EEF2K: variants seen among roughly 807,000 people sequenced by gnomAD.
EEF2K encodes the protein alternative protein EEF2K.
In EEF2K, 70 loss-of-function variants were observed where a neutral mutation model predicts 93.8. That is an observed-to-expected ratio of 0.75 (90% CI 0.62 to 0.91). The LOEUF (loss-of-function observed/expected upper bound fraction) is 0.91, where lower values mean the gene tolerates loss of function less well. Among genes scored for constraint, EEF2K ranks in the 40% least tolerant of loss-of-function variants. EEF2K has a pLI of 0.00. For missense variants in EEF2K, 935 were observed against 972.9 expected (o/e 0.96, Z 0.52); for synonymous variants, 376 against 380.8 (o/e 0.99, Z 0.15).
intron 1 of EEF2K, among the ~76,000 whole-genome samples, chr16:22,210,081 C>T (rs1254098263): frequency 3.9e-5 from 6 of 152,178 alleles, no homozygotes; most frequent in East Asian, 1.9e-4. Flanking sequence ...AGGCATGAGC[C>T]GTGCCCAACC....
intron 1 of EEF2K, among the ~76,000 whole-genome samples, chr16:22,210,360 C>T (rs1265573147): frequency 2.0e-5 from 3 of 152,194 alleles, no homozygotes; most frequent in African/African-American, 7.2e-5. Context: ...CAGCGTTTCT[C>T]TAACTTCAGT....
intron 15 of EEF2K, among the ~76,000 whole-genome samples, chr16:22,267,972 G>C (rs558309617): frequency 6.6e-6 from 1 of 152,210 alleles, no homozygotes; most frequent in South Asian, 2.1e-4. Flanking sequence ...TCCCCATCAC[G>C]TGGGCCAACG....
At chr16:22,267,246 G>A (rs753211619) in intron 15 of EEF2K, among the ~76,000 whole-genome samples, 1 of 152,156 alleles carries the variant, frequency 6.6e-6, no homozygotes, top group Non-Finnish European at 1.5e-5. Context: ...AGTGGCTGGG[G>A]CCTGGCACTG....
At chr16:22,219,895 C>T (rs2142102887) in intron 1 of EEF2K, among the ~76,000 whole-genome samples, 1 of 152,288 alleles carries the variant, frequency 6.6e-6, no homozygotes, top group South Asian at 2.1e-4. Context: ...GCTGCTTGAG[C>T]TCCGGCAATC....
intron 8 of EEF2K, 47 bp from the exon 9 acceptor site, chr16:22,257,596 C>G: frequency 6.3e-7 from 1 of 1,599,960 alleles, no homozygotes. Flanking sequence ...GCCTGTCCCC[C>G]GTCACAGAGC....
At chr16:22,229,688 G>A (rs190720639) in intron 2 of EEF2K, among the ~76,000 whole-genome samples, 16 of 152,222 alleles carry the variant, frequency 1.1e-4, no homozygotes, top group Non-Finnish European at 1.8e-4. Context: ...GTGACAGAGC[G>A]AGACTCCATC....
chr16:22,267,699 GCATGT>G (rs2047538927), intron 15 of EEF2K, among the ~76,000 whole-genome samples: 1 of 152,146 alleles, frequency 6.6e-6, no homozygotes, highest in Non-Finnish European at 1.5e-5. Context: ...AGAAGGAACA[GCATGT>G]GCTTAGGCCC....
Position 22,285,960 on chromosome 16 carries a change from C to T in EEF2K, c.*1964C>T, listed in dbSNP as rs2047749646. 1.3e-5 allele frequency: 2 copies of T among 152,226 alleles called. No individual in the cohort carries two copies. Among genetic ancestry groups the T allele is most frequent in the Non-Finnish European group, 2.9e-5 (2 of 68,050 alleles). The allele number at this position is 152,226 out of a possible 1,614,324, so 9.4% of individuals were successfully genotyped here. On this transcript the variant is annotated 3_prime_UTR_variant, in exon 18 of 18. Transcript: ENST00000263026. Reference sequence around the variant, plus strand: ...CCTCCCGCCTCAGTCTCCCAAAGCGCTGGGATTACAGGCAGGAGCCACTGA... The same window carrying T: ...CCTCCCGCCTCAGTCTCCCAAAGCGTTGGGATTACAGGCAGGAGCCACTGA...
intron 15 of EEF2K, among the ~76,000 whole-genome samples, chr16:22,271,708 A>T (rs908165792): frequency 2.0e-5 from 3 of 152,086 alleles, no homozygotes; most frequent in Non-Finnish European, 4.4e-5. Context: ...CTGTCTCAAA[A>T]AAAAAAACAA....
In EEF2K at chr16:22,226,672, T is replaced by C. The variant is rs536959788; in HGVS notation, c.246+697T>C. On this transcript the variant is annotated intron_variant, in intron 2 of 17. Coordinates refer to ENST00000263026, the MANE Select transcript of EEF2K (RefSeq NM_013302.5). Reference sequence around the variant, plus strand: ...CTAAGATTATAGGCTTGTACCACTATACCCGGCTCATTAAAAAAATTTTTT... The same window carrying C: ...CTAAGATTATAGGCTTGTACCACTACACCCGGCTCATTAAAAAAATTTTTT... Among the ~76,000 whole-genome samples, 9 of 152,150 alleles carry C rather than the reference T, an allele frequency of 5.9e-5. No homozygotes were observed. The South Asian group carries it at 1.9e-3, about 32-fold the overall frequency.
chr16:22,211,460 C>T lies in EEF2K; in HGVS notation c.-77+4781C>T, dbSNP rs189677163. 9.2e-5 allele frequency among the ~76,000 whole-genome samples: 14 copies of T among 152,078 alleles called. No homozygotes were observed. The East Asian group carries it at 2.1e-3, about 23-fold the overall frequency. ...GTTTGTTTTTGTTTGTTTGTTTTTT[C>T]GGAGGTCTGGGGGCGGGGGGATAGA... is the stretch of plus-strand genomic sequence containing the variant. On this transcript the variant is annotated intron_variant, in intron 1 of 17. Transcript: ENST00000263026.
chr16:22,264,828 A>C lies in EEF2K; in HGVS notation c.1388A>C (p.Tyr463Ser). The C allele has an allele frequency of 6.2e-7, 1 of 1,613,998 alleles. No individual in the cohort carries two copies. The highest frequency in any genetic ancestry group is 8.5e-7 in the Non-Finnish European group (1 of 1,179,938). ...TCTTCCTCCGTTCAGGGCCACTCAT[A>C]CAGTAATCGGAAGTACGAGTCTGAC... is the stretch of plus-strand genomic sequence containing the variant. Reference protein sequence around the residue: ...DPEPREHGHSYSNRKYESDED... With the variant: ...DPEPREHGHSSSNRKYESDED... Residue 463 changes from tyrosine (Y) to serine (S), a missense_variant, in exon 13 of 18, where the codon TAC (tyrosine) becomes TCC (serine). Tyr to Ser is a moderately radical substitution (Grantham distance 144, BLOSUM62 -2). Coordinates refer to ENST00000263026, the MANE Select transcript of EEF2K (RefSeq NM_013302.5).
In EEF2K at chr16:22,273,736, CCTCA is replaced by C; in HGVS notation, c.1876_1879del (p.Leu626AlafsTer9). ...CGCGAGCTTTTGACTCTGGCCAGAA[CCTCA>C]GCCCGGACAGGTACTGCAGCTGTCA... On this transcript the variant is annotated frameshift_variant, in exon 16 of 18. Transcript: ENST00000263026. LOFTEE classifies it high-confidence loss of function. 1 of 1,613,830 alleles carries C rather than the reference CCTCA, an allele frequency of 6.2e-7. No individual in the cohort carries two copies.
rs550685494 is a variant in EEF2K, at chr16:22,285,392, G to A, written c.*1396G>A. 6.6e-6 allele frequency: 1 copy of A among 152,270 alleles called. No homozygotes were observed. Among genetic ancestry groups the A allele is most frequent in the Admixed American group, 6.5e-5 (1 of 15,290 alleles). The allele number at this position is 152,270 out of a possible 1,614,324, so 9.4% of individuals were successfully genotyped here. A position where few individuals can be genotyped will look rare whatever the true frequency, so the allele number is the denominator to read the frequency against. Reference sequence around the variant, plus strand: ...TTATCTAAGATGTTTGAGGATGAGAGGGCAAGAACTATAAACACTCATTAA... The same window carrying A: ...TTATCTAAGATGTTTGAGGATGAGAAGGCAAGAACTATAAACACTCATTAA... On this transcript the variant is annotated 3_prime_UTR_variant, in exon 18 of 18. Transcript: ENST00000263026.
chr16:22,277,413 G>C (rs942342531), intron 16 of EEF2K, among the ~76,000 whole-genome samples: 5 of 152,296 alleles, frequency 3.3e-5, no homozygotes, highest in African/African-American at 1.2e-4. Context: ...GGGATCACAG[G>C]CATGAGCCAT....
chr16:22,248,226 G>A (rs761519229), intron 3 of EEF2K, among the ~76,000 whole-genome samples: 5 of 151,664 alleles, frequency 3.3e-5, no homozygotes, highest in East Asian at 3.9e-4. Flanking sequence ...CACCATGCTC[G>A]GCTAATTTTT....
At chr16:22,222,489 A>T (rs1304059822) in intron 1 of EEF2K, among the ~76,000 whole-genome samples, 1 of 151,360 alleles carries the variant, frequency 6.6e-6, no homozygotes, top group Admixed American at 6.6e-5. Context: ...GATTACAGAC[A>T]TGAACCACCA....
Position 22,258,702 on chromosome 16 carries a change from G to A in EEF2K, c.1231+7G>A, listed in dbSNP as rs775763205. ...CAGAAGCTAGACCACCTCCGTGAGTGACGGTTCGGTCCCTAGTCACTGTGA... is the reference window on the plus strand; with the variant it reads ...CAGAAGCTAGACCACCTCCGTGAGTAACGGTTCGGTCCCTAGTCACTGTGA... On this transcript the variant is annotated splice_region_variant and intron_variant, in intron 10 of 17. Coordinates refer to ENST00000263026, the MANE Select transcript of EEF2K (RefSeq NM_013302.5). The A allele has an allele frequency of 5.0e-6, 8 of 1,613,934 alleles. No homozygotes were observed. The African/African-American group carries it at 8.0e-5, about 16-fold the overall frequency.
At chr16:22,269,715 A>G (rs2047558066) in intron 15 of EEF2K, among the ~76,000 whole-genome samples, 1 of 152,154 alleles carries the variant, frequency 6.6e-6, no homozygotes, top group East Asian at 1.9e-4. Flanking sequence ...ATAACTAATT[A>G]TATCTTCAAG....
Sources: gnomAD v4.1 joint callset for allele counts (sites outside exome capture counted in the v4.1 genomes callset) on GRCh38, gnomAD v4.1.1 for gene constraint, MANE v1.5 for transcripts, NCBI Gene and HGNC (gene_info 2026-07-23, HGNC 2026-07-21) for gene names.